Variants in LRRC8D observed in about 807,000 individuals in gnomAD.
LRRC8D encodes the protein volume-regulated anion channel subunit LRRC8D.
In LRRC8D, 20 loss-of-function variants were observed where a neutral mutation model predicts 55.8. That is an observed-to-expected ratio of 0.36 (90% CI 0.25 to 0.52). LRRC8D has a LOEUF of 0.52. LRRC8D is among the 20% of genes least tolerant of loss of function. The probability of loss-of-function intolerance (pLI) is 0.93; values close to 1 mark genes in which losing one functional copy is unlikely to be tolerated. For missense variants in LRRC8D, 651 were observed against 1,030.8 expected (o/e 0.63, Z 5.05); for synonymous variants, 352 against 377.0 (o/e 0.93, Z 0.77).
chr1:89,876,699 C>T (rs1373381623), intron 2 of LRRC8D, among the ~76,000 whole-genome samples: 2 of 152,232 alleles, frequency 1.3e-5, no homozygotes, highest in African/African-American at 2.4e-5. Context: ...AATAAAGTTT[C>T]TTTGGAACAT....
At chr1:89,932,683 TC>T (rs750666315) in intron 2 of LRRC8D, among the ~76,000 whole-genome samples, 21 of 152,320 alleles carry the variant, frequency 1.4e-4, no homozygotes, top group South Asian at 6.2e-4. Context: ...CACAGACCTT[TC>T]AATTTTGGCT....
At chr1:89,867,615 C>T (rs190465018) in intron 2 of LRRC8D, among the ~76,000 whole-genome samples, 43 of 152,012 alleles carry the variant, frequency 2.8e-4, no homozygotes, top group Middle Eastern at 3.4e-3. Flanking sequence ...ATTTTTCTTG[C>T]GTGTATTCTG....
At chr1:89,900,883 C>T (rs1662832165) in intron 2 of LRRC8D, among the ~76,000 whole-genome samples, 1 of 152,182 alleles carries the variant, frequency 6.6e-6, no homozygotes, top group Non-Finnish European at 1.5e-5. Context: ...AATCACAAAG[C>T]CAGGTATCCA....
intron 2 of LRRC8D, among the ~76,000 whole-genome samples, chr1:89,873,611 A>G (rs894637980): frequency 2.0e-5 from 3 of 152,238 alleles, no homozygotes; most frequent in Admixed American, 6.5e-5. Context: ...AAAAACTAAC[A>G]ACTGAAGAGT....
chr1:89,839,472 T>C (rs10737712), intron 1 of LRRC8D, among the ~76,000 whole-genome samples: 139,669 of 152,246 alleles, frequency 0.92, 65,291 homozygotes, highest in East Asian at 1. Context: ...ATCAGGAAAC[T>C]ATCTTACAGG....
chr1:89,909,083 G>C (rs1387465622), intron 2 of LRRC8D, among the ~76,000 whole-genome samples: 2 of 152,060 alleles, frequency 1.3e-5, no homozygotes, highest in Non-Finnish European at 2.9e-5. Context: ...TGCTGCCTGA[G>C]ATGGCTCGCT....
chr1:89,825,997 G>A (rs1455598824), intron 1 of LRRC8D, among the ~76,000 whole-genome samples: 2 of 152,188 alleles, frequency 1.3e-5, no homozygotes, highest in African/African-American at 2.4e-5. Context: ...TGTCCAGATG[G>A]TGCAGTCTAC....
chr1:89,923,383 G>A (rs565846324), intron 2 of LRRC8D, among the ~76,000 whole-genome samples: 1 of 152,340 alleles, frequency 6.6e-6, no homozygotes, highest in East Asian at 1.9e-4. Flanking sequence ...TCTGAGTCCT[G>A]ATTCACTAAG....
At chr1:89,850,729 A>G (rs778854925) in intron 2 of LRRC8D, among the ~76,000 whole-genome samples, 6 of 152,122 alleles carry the variant, frequency 3.9e-5, no homozygotes, top group Non-Finnish European at 7.3e-5. Flanking sequence ...TTTCTTTACT[A>G]TTGGATACAC....
chr1:89,930,077 C>A (rs1663665621), intron 2 of LRRC8D, among the ~76,000 whole-genome samples: 1 of 152,164 alleles, frequency 6.6e-6, no homozygotes, highest in South Asian at 2.1e-4. Context: ...CATCTCTCCC[C>A]CCAACCCCCA....
At chr1:89,875,431 A>G (rs1163153979) in intron 2 of LRRC8D, among the ~76,000 whole-genome samples, 2 of 152,224 alleles carry the variant, frequency 1.3e-5, no homozygotes, top group African/African-American at 4.8e-5. Flanking sequence ...TTGTGAATAT[A>G]ACAAAATCCT....
At chr1:89,920,236 C>T (rs763443379) in intron 2 of LRRC8D, among the ~76,000 whole-genome samples, 1 of 152,126 alleles carries the variant, frequency 6.6e-6, no homozygotes, top group East Asian at 1.9e-4. Context: ...GGCAAATTTG[C>T]TCTGTGAATA....
chr1:89,869,475 A>G lies in LRRC8D; in HGVS notation c.-3+25693A>G, dbSNP rs142845544. 1.3e-4 allele frequency among the ~76,000 whole-genome samples: 20 copies of G among 152,350 alleles called. No individual in the cohort carries two copies. In the East Asian group the frequency reaches 3.3e-3, roughly 25 times the overall value. ...GGGACTATGTGAAAAGACCAAATCT[A>G]TGTTTGATTGGTGTACATGAAAGTG... is the stretch of plus-strand genomic sequence containing the variant. On this transcript the variant is annotated intron_variant, in intron 2 of 2. Coordinates refer to ENST00000337338, the MANE Select transcript of LRRC8D (RefSeq NM_001134479.2).
At chr1:89,821,315 G>A (rs1660623258) in intron 1 of LRRC8D, 24 bp downstream of exon 1, 1 of 152,042 alleles carries the variant, frequency 6.6e-6, no homozygotes, top group African/African-American at 2.4e-5. Context: ...TCTCCCGGCA[G>A]GGGCCGGGGG....
chr1:89,933,540 C>G lies in LRRC8D; in HGVS notation c.472C>G (p.Leu158Val). Residue 158 changes from leucine to valine, a missense_variant, in exon 3 of 3, where the codon CTT becomes GTT. Leu to Val is a conservative substitution (Grantham distance 32). Around this residue, in one of 5 missense-constraint regions of LRRC8D, gnomAD observed 178 missense variants for 374.9 expected, o/e 0.47. Coordinates refer to ENST00000337338, the MANE Select transcript of LRRC8D (RefSeq NM_001134479.2). The surrounding 1 kb of genome is among the most constrained non-coding windows in gnomAD (Gnocchi z 7.0). ...FINQMCYHLA[L>V]PWYSKYFPYL... is the part of the protein sequence containing the mutation. The stretch of plus-strand genomic sequence containing the variant: ...TAATCAAATGTGTTACCATCTGGCC[C>G]TTCCGTGGTATTCTAAGTACTTTCC... 1 of 1,614,160 alleles carries G rather than the reference C, an allele frequency of 6.2e-7. No homozygotes were observed. Among genetic ancestry groups the G allele is most frequent in the Non-Finnish European group, 8.5e-7 (1 of 1,180,014 alleles).
chr1:89,864,108 A>T (rs11806114), intron 2 of LRRC8D, among the ~76,000 whole-genome samples: 2,704 of 152,338 alleles, frequency 0.018, 87 homozygotes, highest in African/African-American at 0.062. Flanking sequence ...GTTTGCATTG[A>T]GGCACCATGT....
intron 2 of LRRC8D, among the ~76,000 whole-genome samples, chr1:89,848,316 C>T (rs1435686510): frequency 6.6e-6 from 1 of 152,176 alleles, no homozygotes; most frequent in Non-Finnish European, 1.5e-5. Context: ...ACCACCACCA[C>T]CAGCCCTATA....
rs904649182 is a variant in LRRC8D, at chr1:89,935,816, G to T, written c.*171G>T. 5.0e-6 allele frequency: 3 copies of T among 599,690 alleles called. No homozygotes were observed. Among genetic ancestry groups the T allele is most frequent in the Non-Finnish European group, 8.5e-6 (3 of 351,630 alleles). 37.1% of individuals were successfully genotyped at this position (599,690 alleles called of 1,614,324 possible). ...AGACATAACTGAATGTTCAATGTTT[G>T]TAGGGTTTTAAGTCATTCATTTCCA... On this transcript the variant is annotated 3_prime_UTR_variant, in exon 3 of 3. Transcript: ENST00000337338.
intron 2 of LRRC8D, among the ~76,000 whole-genome samples, chr1:89,872,161 C>G (rs551034515): frequency 6.6e-6 from 1 of 152,312 alleles, no homozygotes; most frequent in South Asian, 2.1e-4. Flanking sequence ...ATAGTTTAAA[C>G]GTAAATTATT....
Sources: allele counts gnomAD v4.1 joint callset (sites outside exome capture counted in the v4.1 genomes callset), GRCh38; gene constraint gnomAD v4.1.1; regional missense constraint gnomAD v4.1.1; non-coding constraint Gnocchi (gnomAD v3.1); transcripts MANE v1.5; gene names NCBI Gene and HGNC (gene_info 2026-07-23, HGNC 2026-07-21).